The following PALLD variants were observed in gnomAD, a reference collection of about 807,000 sequenced individuals.
The protein encoded by PALLD is palladin.
PALLD carries 61 observed loss-of-function variants against 123.5 expected under a neutral mutation model. The observed-to-expected ratio is 0.49, with a 90% CI of 0.40 to 0.61. The LOEUF is 0.61. Among genes scored for constraint, PALLD ranks in the 20% least tolerant of loss-of-function variants. The pLI is 0.00. For missense variants in PALLD, 1,273 were observed against 1,377.0 expected, an observed-to-expected ratio of 0.92 and a Z score of 1.20; for synonymous variants, 465 against 496.4, an observed-to-expected ratio of 0.94 and a Z score of 0.84.
intron 10 of PALLD, among the ~76,000 whole-genome samples, chr4:168,742,874 A>G (rs892900897): frequency 2.0e-5 from 3 of 152,218 alleles, no homozygotes; most frequent in Non-Finnish European, 4.4e-5. Flanking sequence ...GATTTCCTTC[A>G]GACTACAAAG....
At chr4:168,510,222 T>G (rs897816698) in intron 1 of PALLD, among the ~76,000 whole-genome samples, 1 of 152,212 alleles carries the variant, frequency 6.6e-6, no homozygotes, top group African/African-American at 2.4e-5. Flanking sequence ...AAGGAGTCAT[T>G]GCTTCACAAT....
At chr4:168,925,964 T>TAA (rs11357121) in intron 21 of PALLD, among the ~76,000 whole-genome samples, 149 of 150,132 alleles carry the variant, frequency 9.9e-4, no homozygotes, top group African/African-American at 3.3e-3. Flanking sequence ...AGTGTTTACT[T>TAA]AAAAAAAAAA....
At chr4:168,631,761 G>T in intron 2 of PALLD, 1 of 985,506 alleles carries the variant, frequency 1.0e-6, no homozygotes, top group Non-Finnish European at 1.2e-6. Flanking sequence ...GCGGCTGCCA[G>T]TTAATTTTCT....
intron 10 of PALLD, among the ~76,000 whole-genome samples, chr4:168,775,047 G>A (rs576071640): frequency 2.8e-5 from 4 of 142,820 alleles, no homozygotes; most frequent in African/African-American, 1.1e-4. Context: ...TGCTTATAGA[G>A]CATATATATC....
At chr4:168,905,138 G>GTTTTTTGTTTTTT (rs1560894892) in intron 15 of PALLD, among the ~76,000 whole-genome samples, 5 of 34,540 alleles carry the variant, frequency 1.4e-4, no homozygotes, top group East Asian at 1.9e-3. Context: ...TGTTTTGTTG[G>GTTTTTTGTTTTTT]TTTTTTTTTT....
At chr4:168,571,036 T>TGAAATA (rs1232194852) in intron 2 of PALLD, among the ~76,000 whole-genome samples, 1 of 152,168 alleles carries the variant, frequency 6.6e-6, no homozygotes, top group Non-Finnish European at 1.5e-5. Flanking sequence ...CTTATTTCTT[T>TGAAATA]GGCTCTCTTC....
chr4:168,700,023 C>A, intron 8 of PALLD: 2 of 299,054 alleles, frequency 6.7e-6, no homozygotes, highest in South Asian at 6.7e-5. Context: ...TTACAGATGT[C>A]TTATACGTCT....
At chr4:168,894,535 G>C in intron 11 of PALLD, 44 bp from the exon 12 acceptor site, 1 of 1,284,722 alleles carries the variant, frequency 7.8e-7, no homozygotes, top group Non-Finnish European at 1.1e-6. Flanking sequence ...ACATATTTGT[G>C]ATTTTTTTCT....
Position 168,661,427 on chromosome 4 carries a change from GATGA to G in PALLD, c.909-6746_909-6743del, listed in dbSNP as rs765450608. 9.8e-5 allele frequency among the ~76,000 whole-genome samples: 15 copies of G among 152,320 alleles called. No homozygotes were observed. The East Asian group carries it at 2.1e-3, about 22-fold the overall frequency. On this transcript the variant is annotated intron_variant, in intron 2 of 21. Transcript: ENST00000505667. ...TTGATGAATGAATGAATAATTGATT[GATGA>G]ATGAATGAATGAATGAGTATGACTA...
chr4:168,646,467 C>G (rs1777465917), intron 2 of PALLD, among the ~76,000 whole-genome samples: 1 of 152,198 alleles, frequency 6.6e-6, no homozygotes, highest in African/African-American at 2.4e-5. Flanking sequence ...CTGGAGATAA[C>G]AGTCCATCAG....
At chr4:168,523,331 A>G (rs1763748319) in intron 2 of PALLD, among the ~76,000 whole-genome samples, 2 of 152,036 alleles carry the variant, frequency 1.3e-5, no homozygotes, top group African/African-American at 4.8e-5. Context: ...CTGAAGATTA[A>G]TGGTTCTTTT....
At chr4:168,791,200 A>G (rs1301669025) in intron 10 of PALLD, among the ~76,000 whole-genome samples, 1 of 152,194 alleles carries the variant, frequency 6.6e-6, no homozygotes, top group Admixed American at 6.5e-5. Context: ...CTGCCTGGCC[A>G]AAGCCCCATG....
intron 10 of PALLD, among the ~76,000 whole-genome samples, chr4:168,752,198 C>G (rs1731154611): frequency 6.6e-6 from 1 of 152,228 alleles, no homozygotes; most frequent in Non-Finnish European, 1.5e-5. Flanking sequence ...CATGGTGCAA[C>G]TCTGTCTCTA....
chr4:168,816,064 G>A (rs978485312), intron 10 of PALLD, among the ~76,000 whole-genome samples: 2 of 152,144 alleles, frequency 1.3e-5, no homozygotes, highest in Non-Finnish European at 2.9e-5. Flanking sequence ...ACCACCATCC[G>A]CTTTGTTCCG....
At chr4:168,553,397 A>G (rs879298892) in intron 2 of PALLD, among the ~76,000 whole-genome samples, 1 of 152,244 alleles carries the variant, frequency 6.6e-6, no homozygotes, top group Non-Finnish European at 1.5e-5. Flanking sequence ...CATTTATAAG[A>G]GTCATTAATG....
intron 10 of PALLD, among the ~76,000 whole-genome samples, chr4:168,882,417 G>A (rs990781068): frequency 2.6e-5 from 4 of 152,148 alleles, no homozygotes; most frequent in Non-Finnish European, 2.9e-5. Flanking sequence ...CAGAATCCCC[G>A]AGTCAAGGAA....
In PALLD at chr4:168,602,157, C is replaced by T. The variant is rs114390391; in HGVS notation, c.909-66033C>T. On this transcript the variant is annotated intron_variant, in intron 2 of 21. Transcript: ENST00000505667. ...CAAGGTCCAAAGCATGGCAACTAAG[C>T]GTCAAAAACCCTTCAGGGTGAGATT... 3.1e-3 allele frequency among the ~76,000 whole-genome samples: 470 copies of T among 152,252 alleles called. 1 individual carries two copies. Among genetic ancestry groups the T allele is most frequent in the Middle Eastern group, 0.014 (4 of 294 alleles).
At chr4:168,587,440 C>A (rs1434524353) in intron 2 of PALLD, among the ~76,000 whole-genome samples, 1 of 152,164 alleles carries the variant, frequency 6.6e-6, no homozygotes, top group Non-Finnish European at 1.5e-5. Context: ...GACTCCTTGG[C>A]TAAAGCAGCA....
chr4:168,763,698 A>G (rs1009500208), intron 10 of PALLD, among the ~76,000 whole-genome samples: 3 of 152,186 alleles, frequency 2.0e-5, no homozygotes, highest in African/African-American at 7.2e-5. Context: ...CTGCTCTGGG[A>G]TAGAGACAGC....
Sources: gnomAD v4.1 joint callset for allele counts (sites outside exome capture counted in the v4.1 genomes callset) on GRCh38, gnomAD v4.1.1 for gene constraint, MANE v1.5 for transcripts, NCBI Gene and HGNC (gene_info 2026-07-23, HGNC 2026-07-21) for gene names.